The following PCDHA5 variants were observed in gnomAD, a reference collection of about 807,000 sequenced individuals.
PCDHA5 encodes the protein protocadherin alpha-5.
Under a neutral mutation model 61.6 loss-of-function variants are expected in PCDHA5, and 43 were observed. That is an observed-to-expected ratio of 0.70 (90% CI 0.55 to 0.90). The LOEUF is 0.90. Ranked by LOEUF, PCDHA5 falls within the 40% of genes least tolerant of loss-of-function variation. The pLI is 0.00. For missense variants in PCDHA5, 1,298 were observed against 1,222.7 expected (o/e 1.06, Z -0.92); for synonymous variants, 627 against 543.9 (o/e 1.15, Z -2.13).
At chr5:140,892,894 TC>T (rs1198816126) in intron 1 of PCDHA5, among the ~76,000 whole-genome samples, 8 of 152,158 alleles carry the variant, frequency 5.3e-5, no homozygotes, top group Non-Finnish European at 7.4e-5. Context: ...AACCAACCTT[TC>T]CCCATCCTCC....
intron 1 of PCDHA5, among the ~76,000 whole-genome samples, chr5:140,917,324 CG>C (rs1299895515): frequency 5.3e-5 from 4 of 76,126 alleles, no homozygotes; most frequent in African/African-American, 1.7e-4. Context: ...GTTCATGTGG[CG>C]GGGGAGGGGG....
chr5:140,942,310 C>T (rs782391809), intron 1 of PCDHA5, among the ~76,000 whole-genome samples: 14 of 151,402 alleles, frequency 9.2e-5, no homozygotes, highest in East Asian at 1.9e-4. Flanking sequence ...CTTGGGAGGT[C>T]GAGGCACAAG....
intron 1 of PCDHA5, chr5:140,929,315 T>C: frequency 6.4e-7 from 1 of 1,559,382 alleles, no homozygotes; most frequent in African/African-American, 1.4e-5. Context: ...CACGCTAATG[T>C]CAATGCCATG....
intron 1 of PCDHA5, chr5:140,870,781 A>T: frequency 2.5e-6 from 4 of 1,613,654 alleles, no homozygotes; most frequent in Non-Finnish European, 3.4e-6. Flanking sequence ...CGAGAACGAC[A>T]ACGCGCCGGC....
At chr5:140,960,131 C>T (rs781965980) in intron 1 of PCDHA5, among the ~76,000 whole-genome samples, 11 of 152,114 alleles carry the variant, frequency 7.2e-5, no homozygotes, top group African/African-American at 9.7e-5. Context: ...TTATGAAATA[C>T]TTAGATATTA....
chr5:140,884,762 A>C, intron 1 of PCDHA5: 1 of 1,423,132 alleles, frequency 7.0e-7, no homozygotes, highest in Non-Finnish European at 9.2e-7. Flanking sequence ...ATTATTCTTT[A>C]CTTTAATTTT....
chr5:140,927,478 C>T (rs959432734), intron 1 of PCDHA5: 12 of 1,613,944 alleles, frequency 7.4e-6, no homozygotes, highest in African/African-American at 1.3e-5. Flanking sequence ...TCGCGAACAG[C>T]GCGCCACCCA....
At chr5:140,946,077 C>T (rs246055) in intron 1 of PCDHA5, among the ~76,000 whole-genome samples, 85,716 of 151,878 alleles carry the variant, frequency 0.56, 24,786 homozygotes, top group African/African-American at 0.69. Context: ...TTGCAAACCA[C>T]AGATCTGATA....
intron 1 of PCDHA5, among the ~76,000 whole-genome samples, chr5:140,954,810 A>C (rs1169811573): frequency 6.6e-6 from 1 of 151,948 alleles, no homozygotes; most frequent in Non-Finnish European, 1.5e-5. Context: ...CTTTTGTTGA[A>C]ATTGCTTTAG....
chr5:140,877,095 C>G, intron 1 of PCDHA5: 1 of 1,613,330 alleles, frequency 6.2e-7, no homozygotes, highest in Admixed American at 1.7e-5. Flanking sequence ...GCGACGCCGG[C>G]GTGCCGCCTC....
intron 1 of PCDHA5, among the ~76,000 whole-genome samples, chr5:140,936,049 C>A (rs1185871662): frequency 1.3e-5 from 2 of 151,974 alleles, no homozygotes; most frequent in African/African-American, 2.4e-5. Context: ...CCCACCACCA[C>A]ACCCGGCTAA....
At chr5:140,875,265 T>G in intron 1 of PCDHA5, 1 of 1,201,060 alleles carries the variant, frequency 8.3e-7, no homozygotes, top group Non-Finnish European at 1.1e-6. Context: ...GATGTCGCTC[T>G]ACACTCAGAA....
chr5:140,866,703 G>A (rs553518884), intron 1 of PCDHA5: 1 of 152,106 alleles, frequency 6.6e-6, no homozygotes, highest in East Asian at 1.9e-4. Flanking sequence ...AGTGGATGAC[G>A]TGCACTAGTA....
At chr5:140,895,435 C>T (rs2065005335) in intron 1 of PCDHA5, among the ~76,000 whole-genome samples, 2 of 152,134 alleles carry the variant, frequency 1.3e-5, no homozygotes, top group African/African-American at 4.8e-5. Context: ...CCTCCTGAGA[C>T]TCTTTTCATG....
At chr5:140,843,596 T>A in intron 1 of PCDHA5, 1 of 1,596,026 alleles carries the variant, frequency 6.3e-7, no homozygotes, top group Non-Finnish European at 8.6e-7. Flanking sequence ...GCAGAGGGTG[T>A]GCTCTGGTGA....
chr5:140,841,839 G>T, intron 1 of PCDHA5: 1 of 1,613,898 alleles, frequency 6.2e-7, no homozygotes, highest in South Asian at 1.1e-5. Context: ...TACAGGCTTA[G>T]CTCTCATGAT....
At chr5:140,884,295 C>G in intron 1 of PCDHA5, 1 of 1,613,680 alleles carries the variant, frequency 6.2e-7, no homozygotes, top group Non-Finnish European at 8.5e-7. Flanking sequence ...GGCCAAGCGC[C>G]ACAGGCTTCG....
chr5:140,927,960 C>G, intron 1 of PCDHA5: 2 of 1,614,196 alleles, frequency 1.2e-6, no homozygotes, highest in Non-Finnish European at 1.7e-6. Flanking sequence ...CTGCCCCTGG[C>G]ACAGTGATTG....
intron 1 of PCDHA5, chr5:140,967,846 C>A: frequency 6.2e-7 from 1 of 1,614,166 alleles, no homozygotes; most frequent in Non-Finnish European, 8.5e-7. Context: ...ACGTGAATGA[C>A]AATGCCCCAG....
Sources: gnomAD v4.1 joint callset for allele counts (sites outside exome capture counted in the v4.1 genomes callset) on GRCh38, gnomAD v4.1.1 for gene constraint, MANE v1.5 for transcripts, NCBI Gene and HGNC (gene_info 2026-07-23, HGNC 2026-07-21) for gene names.